CRK: variants seen among roughly 807,000 people sequenced by gnomAD.
The protein encoded by CRK is CRK proto-oncogene, adaptor protein, also known as adapter molecule crk.
A neutral mutation model predicts 29.8 loss-of-function variants in CRK; 4 were observed. The ratio of observed to expected loss-of-function variants is 0.13; its 90% CI spans 0.07 to 0.31. The LOEUF is 0.31. CRK is among the 10% of genes least tolerant of loss of function. The pLI is 1.00. For synonymous variants in CRK, 153 were observed against 164.9 expected (o/e 0.93, Z 0.55); for missense variants, 274 against 396.5 (o/e 0.69, Z 2.62).
chr17:1,435,585 A>G (rs1429965274), intron 2 of CRK, among the ~76,000 whole-genome samples: 2 of 152,196 alleles, frequency 1.3e-5, no homozygotes, highest in Admixed American at 6.5e-5. Flanking sequence ...TTTTCCTCCA[A>G]ACAGGGAATG....
chr17:1,428,269 C>T (rs548837743), intron 2 of CRK, among the ~76,000 whole-genome samples: 4 of 151,848 alleles, frequency 2.6e-5, no homozygotes, highest in African/African-American at 9.7e-5. Flanking sequence ...CAGGCGCCCG[C>T]CACCACGCCC....
intron 1 of CRK, among the ~76,000 whole-genome samples, chr17:1,450,479 C>T (rs1401631099): frequency 6.7e-6 from 1 of 149,754 alleles, no homozygotes; most frequent in East Asian, 2.0e-4. Context: ...TGCCCTCCGG[C>T]CCGGCGTGGG....
chr17:1,429,243 G>C (rs1442032058), intron 2 of CRK, among the ~76,000 whole-genome samples: 1 of 152,024 alleles, frequency 6.6e-6, no homozygotes, highest in African/African-American at 2.4e-5. Context: ...TGTAGTCCCA[G>C]CTACTTGGGA....
At position 1,436,804 on chromosome 17, in the gene CRK, G is replaced by C; in HGVS notation, c.593C>G (p.Ser198Trp). 1 of 1,581,608 alleles carries C rather than the reference G, an allele frequency of 6.3e-7. No homozygotes were observed. Among genetic ancestry groups the C allele is most frequent in the Non-Finnish European group, 8.6e-7 (1 of 1,165,104 alleles). The change falls in exon 2 of 3, where the codon TCG becomes TGG. Residue 198 changes from serine (S) to tryptophan (W), a missense_variant. This residue lies in a region of CRK where 121 missense variants were observed against 154.3 expected (regional missense o/e 0.78). Transcript: ENST00000300574. The part of the protein sequence containing the change: ...EKYRPASASV[S>W]ALIGGNQEGS... ...CTCCTGGTTACCTCCAATCAGAGCC[G>C]ATACTGAGGCGGAGGCAGGTCTATA...
chr17:1,441,659 T>C (rs1485041782), intron 1 of CRK, among the ~76,000 whole-genome samples: 1 of 151,612 alleles, frequency 6.6e-6, no homozygotes, highest in Non-Finnish European at 1.5e-5. Context: ...ACCCGGCTAA[T>C]TTTTGTATTT....
Position 1,422,521 on chromosome 17 carries a change from C to G in CRK, c.*992G>C, listed in dbSNP as rs545551544. 6.2e-6 allele frequency: 1 copy of G among 160,186 alleles called. No homozygotes were observed. The highest frequency in any genetic ancestry group is 1.8e-4 in the East Asian group (1 of 5,436). The allele number at this position is 160,186 out of a possible 1,614,324, so 9.9% of individuals were successfully genotyped here. ...CCAAATTCATGTAATACTAACTTGA[C>G]TTTTATACAAGTTGCACAGAATGCA... On this transcript the variant is annotated 3_prime_UTR_variant, in exon 3 of 3. Coordinates refer to ENST00000300574, the MANE Select transcript of CRK (RefSeq NM_016823.4).
In CRK at chr17:1,421,438, G is replaced by GAAAATTTAACAAAGCAGTCAT. The variant is rs2073723501; in HGVS notation, c.*2074_*2075insATGACTGCTTTGTTAAATTTT. ...AACTGAAAATTTAACAAAGCAGTCA[G>GAAAATTTAACAAAGCAGTCAT]ATGGAATTACATGTAGTATTACAAA... is the stretch of plus-strand genomic sequence containing the variant. On this transcript the variant is annotated 3_prime_UTR_variant, in exon 3 of 3. Transcript: ENST00000300574. 2.0e-5 allele frequency: 3 copies of GAAAATTTAACAAAGCAGTCAT among 152,210 alleles called. No individual in the cohort carries two copies. Among genetic ancestry groups the GAAAATTTAACAAAGCAGTCAT allele is most frequent in the Non-Finnish European group, 4.4e-5 (3 of 68,038 alleles). 9.4% of individuals were successfully genotyped at this position (152,210 alleles called of 1,614,324 possible).
At chr17:1,445,522 G>C (rs2073968776) in intron 1 of CRK, among the ~76,000 whole-genome samples, 1 of 152,214 alleles carries the variant, frequency 6.6e-6, no homozygotes, top group African/African-American at 2.4e-5. Context: ...TTTTGGTTAT[G>C]ACTGTAGCAG....
At chr17:1,430,546 T>C (rs966971418) in intron 2 of CRK, among the ~76,000 whole-genome samples, 2 of 146,838 alleles carry the variant, frequency 1.4e-5, no homozygotes, top group Non-Finnish European at 1.5e-5. Flanking sequence ...TTTTTTTTTT[T>C]AGTAGAGATG....
chr17:1,425,121 G>C (rs1378349960), intron 2 of CRK, among the ~76,000 whole-genome samples: 1 of 151,302 alleles, frequency 6.6e-6, no homozygotes, highest in African/African-American at 2.4e-5. Flanking sequence ...ACAGAGTCTC[G>C]ATCTGTTGCC....
intron 2 of CRK, among the ~76,000 whole-genome samples, chr17:1,428,230 T>TGTCTCA (rs1166276301): frequency 1.4e-4 from 21 of 151,630 alleles, no homozygotes; most frequent in African/African-American, 4.6e-4. Flanking sequence ...ATGATTCTCC[T>TGTCTCA]GCCTCAGCCT....
At chr17:1,447,522 G>A (rs1376687786) in intron 1 of CRK, among the ~76,000 whole-genome samples, 2 of 151,830 alleles carry the variant, frequency 1.3e-5, no homozygotes, top group Non-Finnish European at 2.9e-5. Flanking sequence ...TGAGGGCTCT[G>A]TGGGCTAAAA....
chr17:1,431,295 AG>A (rs1252474364), intron 2 of CRK, among the ~76,000 whole-genome samples: 2 of 152,132 alleles, frequency 1.3e-5, no homozygotes, highest in South Asian at 2.1e-4. Context: ...AGAAGGCCGG[AG>A]GGGGTGGGGC....
At chr17:1,437,412 A>C (rs1473959934) in intron 1 of CRK, among the ~76,000 whole-genome samples, 6 of 151,794 alleles carry the variant, frequency 4.0e-5, no homozygotes, top group Admixed American at 6.6e-5. Context: ...AGCAAAAAAA[A>C]CTCTAGAAAA....
intron 1 of CRK, 98 bp downstream of exon 1, chr17:1,455,779 A>C: frequency 1.5e-6 from 2 of 1,368,048 alleles, no homozygotes; most frequent in African/African-American, 1.5e-5. Flanking sequence ...CCCTCTGCCC[A>C]CGACCCCCGA....
At chr17:1,443,419 A>G (rs1227672794) in intron 1 of CRK, among the ~76,000 whole-genome samples, 1 of 151,806 alleles carries the variant, frequency 6.6e-6, no homozygotes, top group African/African-American at 2.4e-5. Flanking sequence ...TTTTTTTGAG[A>G]CAGAGTCTCA....
At chr17:1,436,514 T>C (rs927365871) in intron 2 of CRK, 106 bp downstream of exon 2, 1 of 1,253,152 alleles carries the variant, frequency 8.0e-7, no homozygotes, top group African/African-American at 1.5e-5. Context: ...CGGCTTGCCA[T>C]CTACAACATC....
chr17:1,424,863 A>C (rs2073762563), intron 2 of CRK: 1 of 151,616 alleles, frequency 6.6e-6, no homozygotes, highest in Non-Finnish European at 1.5e-5. Context: ...AAAATACAAA[A>C]ATTAGCTGGG....
chr17:1,451,389 C>T (rs2074017027), intron 1 of CRK, among the ~76,000 whole-genome samples: 1 of 151,548 alleles, frequency 6.6e-6, no homozygotes, highest in Admixed American at 6.6e-5. Flanking sequence ...CGCCACCACG[C>T]CCAGCTAATT....
Sources: allele counts gnomAD v4.1 joint callset (sites outside exome capture counted in the v4.1 genomes callset), GRCh38; gene constraint gnomAD v4.1.1; regional missense constraint gnomAD v4.1.1; transcripts MANE v1.5; gene names NCBI Gene and HGNC (gene_info 2026-07-23, HGNC 2026-07-21).